Variants in WWOX observed in about 807,000 individuals in gnomAD.
WWOX encodes WW domain containing oxidoreductase.
Under a neutral mutation model 46.2 loss-of-function variants are expected in WWOX, and 69 were observed. The observed-to-expected ratio is 1.49, with a 90% confidence interval of 1.23 to 1.82. WWOX has a LOEUF of 1.82. Among genes scored for constraint, WWOX ranks in the 40% most tolerant of loss-of-function variants. The probability of loss-of-function intolerance (pLI) is 0.00; values close to 1 mark genes in which losing one functional copy is unlikely to be tolerated. For synonymous variants in WWOX, 359 were observed against 202.6 expected (o/e 1.77, Z -6.56); for missense variants, 919 against 542.6 (o/e 1.69, Z -6.89).
chr16:78,658,772 C>A (rs1353976066), intron 8 of WWOX, among the ~76,000 whole-genome samples: 1 of 151,998 alleles, frequency 6.6e-6, no homozygotes, highest in African/African-American at 2.4e-5. Flanking sequence ...CAAGTTGCAT[C>A]TGTGAAGATT....
At chr16:79,132,489 G>A (rs868744125) in intron 8 of WWOX, among the ~76,000 whole-genome samples, 1 of 152,078 alleles carries the variant, frequency 6.6e-6, no homozygotes, top group African/African-American at 2.4e-5. Context: ...AGAGTTACTT[G>A]CCACGTTTCA....
intron 5 of WWOX, among the ~76,000 whole-genome samples, chr16:78,238,786 A>C (rs2037527725): frequency 6.6e-6 from 1 of 151,696 alleles, no homozygotes; most frequent in South Asian, 2.1e-4. Flanking sequence ...CACCCGGCTA[A>C]TTTTGTATTT....
At chr16:78,189,904 C>G (rs1177112660) in intron 5 of WWOX, among the ~76,000 whole-genome samples, 1 of 152,164 alleles carries the variant, frequency 6.6e-6, no homozygotes, top group East Asian at 1.9e-4. Context: ...ATCCACCCAC[C>G]TCGGCCTCCC....
At chr16:79,091,908 G>A (rs911240507) in intron 8 of WWOX, among the ~76,000 whole-genome samples, 1 of 150,510 alleles carries the variant, frequency 6.6e-6, no homozygotes, top group Non-Finnish European at 1.5e-5. Context: ...AGCCTCCTGA[G>A]TAGCTGGGAC....
At chr16:78,653,947 C>G (rs538858206) in intron 8 of WWOX, among the ~76,000 whole-genome samples, 1 of 152,344 alleles carries the variant, frequency 6.6e-6, no homozygotes, top group East Asian at 1.9e-4. Context: ...ACATTTCACA[C>G]TGCAGATATT....
At chr16:78,548,738 G>C (rs960245038) in intron 8 of WWOX, among the ~76,000 whole-genome samples, 3 of 152,102 alleles carry the variant, frequency 2.0e-5, no homozygotes, top group Non-Finnish European at 2.9e-5. Context: ...CCAATAACTA[G>C]AATGCTAATG....
intron 8 of WWOX, among the ~76,000 whole-genome samples, chr16:79,185,949 T>C (rs1228721188): frequency 6.6e-6 from 1 of 151,728 alleles, no homozygotes; most frequent in Non-Finnish European, 1.5e-5. Flanking sequence ...CATGTCTGTG[T>C]GTGTGTGTGT....
intron 8 of WWOX, among the ~76,000 whole-genome samples, chr16:78,837,536 A>G (rs570010934): frequency 6.6e-6 from 1 of 152,294 alleles, no homozygotes; most frequent in East Asian, 1.9e-4. Context: ...CAGGAGTGGG[A>G]TACTTTTTTT....
At chr16:78,105,047 T>C (rs543414651) in intron 1 of WWOX, among the ~76,000 whole-genome samples, 1 of 152,290 alleles carries the variant, frequency 6.6e-6, no homozygotes, top group African/African-American at 2.4e-5. Context: ...CCAGGGATGG[T>C]TGTGTCCTGC....
chr16:78,466,407 A>G (rs2084079988), intron 8 of WWOX, among the ~76,000 whole-genome samples: 1 of 152,224 alleles, frequency 6.6e-6, no homozygotes, highest in Non-Finnish European at 1.5e-5. Flanking sequence ...CTGTCAATGT[A>G]CTAAATGACA....
intron 8 of WWOX, among the ~76,000 whole-genome samples, chr16:78,966,262 C>A (rs112771092): frequency 6.6e-6 from 1 of 152,192 alleles, no homozygotes; most frequent in African/African-American, 2.4e-5. Flanking sequence ...GAGGAGATAA[C>A]AGACATGCTC....
chr16:78,105,012 G>C (rs1004496497), intron 1 of WWOX, among the ~76,000 whole-genome samples: 1 of 152,226 alleles, frequency 6.6e-6, no homozygotes, highest in Non-Finnish European at 1.5e-5. Flanking sequence ...TACTCTCTCT[G>C]CTTCAGCTGG....
At chr16:78,976,566 G>T (rs1317125187) in intron 8 of WWOX, among the ~76,000 whole-genome samples, 3 of 152,226 alleles carry the variant, frequency 2.0e-5, no homozygotes, top group Non-Finnish European at 4.4e-5. Flanking sequence ...CTAGGTCTCA[G>T]CCTGGGATCT....
chr16:78,896,728 G>A (rs1181427997), intron 8 of WWOX: 1 of 150,604 alleles, frequency 6.6e-6, no homozygotes, highest in Non-Finnish European at 1.5e-5. Context: ...ATAAAATTGG[G>A]CCTGTGGAAT....
intron 8 of WWOX, among the ~76,000 whole-genome samples, chr16:78,735,284 C>T (rs1055864505): frequency 3.3e-5 from 5 of 151,812 alleles, no homozygotes; most frequent in Non-Finnish European, 7.4e-5. Context: ...TCCACCTTGC[C>T]TATAGCGGAT....
At chr16:78,126,561 C>G (rs1005957379) in intron 4 of WWOX, among the ~76,000 whole-genome samples, 3 of 152,054 alleles carry the variant, frequency 2.0e-5, no homozygotes, top group Non-Finnish European at 4.4e-5. Flanking sequence ...GCCTCATGTG[C>G]TATCATTTAA....
At chr16:78,189,890 A>T (rs142994287) in intron 5 of WWOX, among the ~76,000 whole-genome samples, 274 of 152,138 alleles carry the variant, frequency 1.8e-3, no homozygotes, top group Non-Finnish European at 3.0e-3. Flanking sequence ...CCTGACCTCA[A>T]GTGATCCACC....
intron 8 of WWOX, among the ~76,000 whole-genome samples, chr16:78,868,737 C>T (rs2044061652): frequency 6.6e-6 from 1 of 152,160 alleles, no homozygotes; most frequent in Non-Finnish European, 1.5e-5. Context: ...CATTCATAGG[C>T]TCTGGCTCAC....
At chr16:79,134,430 G>C (rs80138482) in intron 8 of WWOX, among the ~76,000 whole-genome samples, 1,795 of 152,254 alleles carry the variant, frequency 0.012, 19 homozygotes, top group Middle Eastern at 0.027. Flanking sequence ...TGGAGGGACT[G>C]AAGTTATACA....
Sources: gnomAD v4.1 joint callset for allele counts (sites outside exome capture counted in the v4.1 genomes callset) on GRCh38, gnomAD v4.1.1 for gene constraint, MANE v1.5 for transcripts, NCBI Gene and HGNC (gene_info 2026-07-23, HGNC 2026-07-21) for gene names.